The following WDFY4 variants were observed in gnomAD, a reference collection of about 807,000 sequenced individuals.
WDFY4 encodes WD repeat- and FYVE domain-containing protein 4.
WDFY4 carries 169 observed loss-of-function variants against 351.9 expected under a neutral mutation model. The observed-to-expected ratio is 0.48, with a 90% confidence interval of 0.42 to 0.55. The LOEUF (loss-of-function observed/expected upper bound fraction) is 0.55, where lower values mean the gene tolerates loss of function less well. Ranked by LOEUF, WDFY4 falls within the 20% of genes least tolerant of loss-of-function variation. The probability of loss-of-function intolerance (pLI) is 0.00; values close to 1 mark genes in which losing one functional copy is unlikely to be tolerated. For missense variants in WDFY4, 3,803 were observed against 3,935.6 expected (o/e 0.97, Z 0.90); for synonymous variants, 1,622 against 1,574.6 (o/e 1.03, Z -0.71).
At chr10:48,777,556 A>G in intron 17 of WDFY4, 61 bp downstream of exon 17, 2 of 1,452,794 alleles carry the variant, frequency 1.4e-6, no homozygotes, top group Non-Finnish European at 1.9e-6. Flanking sequence ...GTCTTCAGAT[A>G]GCCTTGATTG....
At chr10:48,817,186 G>A (rs2067648122) in intron 31 of WDFY4, 59 bp from the exon 32 acceptor site, 3 of 1,532,070 alleles carry the variant, frequency 2.0e-6, no homozygotes, top group East Asian at 2.5e-5. Flanking sequence ...AGCTCCTCTG[G>A]TTAGGGAGGC....
At chr10:48,819,802 A>C (rs1056282445) in intron 32 of WDFY4, among the ~76,000 whole-genome samples, 1 of 152,006 alleles carries the variant, frequency 6.6e-6, no homozygotes, top group African/African-American at 2.4e-5. Flanking sequence ...CCATCACAAG[A>C]TGGGCACCGA....
chr10:48,933,983 C>T (rs755333359), intron 47 of WDFY4, among the ~76,000 whole-genome samples: 1 of 152,134 alleles, frequency 6.6e-6, no homozygotes, highest in Admixed American at 6.5e-5. Flanking sequence ...CAGACAACCA[C>T]AGGGCTCAGG....
intron 24 of WDFY4, among the ~76,000 whole-genome samples, chr10:48,801,246 C>T (rs10857647): frequency 0.17 from 26,358 of 152,170 alleles, 3,485 homozygotes; most frequent in African/African-American, 0.36. Flanking sequence ...TGACATTTGG[C>T]ATTATGTAAT....
intron 39 of WDFY4, among the ~76,000 whole-genome samples, chr10:48,836,784 G>T (rs2068412057): frequency 6.6e-6 from 1 of 152,134 alleles, no homozygotes; most frequent in African/African-American, 2.4e-5. Context: ...CAGAGGTTGG[G>T]AACTTGGACT....
intron 47 of WDFY4, among the ~76,000 whole-genome samples, chr10:48,912,617 C>T (rs1838108696): frequency 2.0e-5 from 3 of 152,228 alleles, no homozygotes; most frequent in Non-Finnish European, 4.4e-5. Context: ...GGCCCCTGCA[C>T]CTAGCATGGT....
intron 47 of WDFY4, among the ~76,000 whole-genome samples, chr10:48,908,793 C>T (rs146155066): frequency 1.7e-3 from 257 of 152,234 alleles, no homozygotes; most frequent in Admixed American, 3.1e-3. Context: ...CATGTGTATG[C>T]GTAGCTCTTT....
intron 4 of WDFY4, among the ~76,000 whole-genome samples, chr10:48,722,155 G>A (rs1238304568): frequency 6.6e-6 from 1 of 152,200 alleles, no homozygotes; most frequent in Admixed American, 6.5e-5. Flanking sequence ...ACATCACGCA[G>A]CCCTTGTCTG....
intron 19 of WDFY4, 71 bp from the exon 20 acceptor site, chr10:48,786,568 T>C: frequency 2.6e-6 from 3 of 1,167,060 alleles, no homozygotes; most frequent in Non-Finnish European, 3.6e-6. Context: ...CATCATGTTA[T>C]ATCACTTTGT....
chr10:48,866,678 T>G (rs1203746155), intron 39 of WDFY4, among the ~76,000 whole-genome samples: 1 of 152,232 alleles, frequency 6.6e-6, no homozygotes, highest in East Asian at 1.9e-4. Context: ...CTAGGTCTTT[T>G]CAGTCATTCT....
chr10:48,909,855 C>T (rs114869754), intron 47 of WDFY4: 2,556 of 194,878 alleles, frequency 0.013, 72 homozygotes, highest in African/African-American at 0.054. Context: ...CTCATTATAC[C>T]TACATAAATT....
At chr10:48,762,545 A>G (rs1448841156) in intron 13 of WDFY4, among the ~76,000 whole-genome samples, 1 of 152,238 alleles carries the variant, frequency 6.6e-6, no homozygotes, top group East Asian at 1.9e-4. Context: ...CACAACAGGC[A>G]TGGCCTGTCT....
chr10:48,741,318 A>G (rs2064841791), intron 11 of WDFY4, among the ~76,000 whole-genome samples: 1 of 152,080 alleles, frequency 6.6e-6, no homozygotes, highest in Non-Finnish European at 1.5e-5. Context: ...TTAGGGTGCC[A>G]GCATTTAAGA....
At chr10:48,713,171 G>A (rs1231244548) in intron 2 of WDFY4, among the ~76,000 whole-genome samples, 2 of 152,176 alleles carry the variant, frequency 1.3e-5, no homozygotes. Flanking sequence ...GCATGGAAGC[G>A]GTGATCTATG....
In WDFY4 at chr10:48,832,832, G is replaced by A. The variant is rs575552081; in HGVS notation, c.6663+123G>A. On this transcript the variant is annotated intron_variant, in intron 39 of 61. Transcript: ENST00000325239. ...TAACTCCACGTCCTTGTGAGCATTT[G>A]AGGGTATGCATGTAGCTCCCCAGTG... is the stretch of plus-strand genomic sequence containing the variant. The A allele has an allele frequency of 2.0e-4, 268 of 1,308,112 alleles. No individual in the cohort carries two copies. The African/African-American group carries it at 2.2e-3, about 11-fold the overall frequency. 81.0% of individuals were successfully genotyped at this position (1,308,112 alleles called of 1,614,324 possible). A position where few individuals can be genotyped will look rare whatever the true frequency, so the allele number is the denominator to read the frequency against.
intron 40 of WDFY4, among the ~76,000 whole-genome samples, chr10:48,870,178 G>T (rs2069710958): frequency 6.6e-6 from 1 of 152,210 alleles, no homozygotes; most frequent in East Asian, 1.9e-4. Flanking sequence ...GGGACTGAAA[G>T]TAGGGAAGGG....
chr10:48,951,868 G>T (rs1211796046), intron 51 of WDFY4, among the ~76,000 whole-genome samples: 1 of 152,062 alleles, frequency 6.6e-6, no homozygotes, highest in African/African-American at 2.4e-5. Flanking sequence ...GCCCAGCAAG[G>T]CAGCCGGCGC....
At chr10:48,719,006 G>T (rs1357045792) in intron 2 of WDFY4, among the ~76,000 whole-genome samples, 3 of 152,142 alleles carry the variant, frequency 2.0e-5, no homozygotes, top group Admixed American at 6.5e-5. Flanking sequence ...CTGAAAAAGA[G>T]ATTAAAAACA....
At chr10:48,775,101 A>G (rs1183102146) in intron 14 of WDFY4, among the ~76,000 whole-genome samples, 1 of 152,190 alleles carries the variant, frequency 6.6e-6, no homozygotes, top group Non-Finnish European at 1.5e-5. Flanking sequence ...TGGATCCTCC[A>G]GGGGGCTTTC....
Sources: gnomAD v4.1 joint callset for allele counts (sites outside exome capture counted in the v4.1 genomes callset) on GRCh38, gnomAD v4.1.1 for gene constraint, MANE v1.5 for transcripts, NCBI Gene and HGNC (gene_info 2026-07-23, HGNC 2026-07-21) for gene names.